The following ZNF555 variants were observed in gnomAD, a reference collection of about 807,000 sequenced individuals.
ZNF555 encodes zinc finger protein 555.
In ZNF555, 10 loss-of-function variants were observed where a neutral mutation model predicts 14.0. The ratio of observed to expected loss-of-function variants is 0.72; its 90% CI spans 0.44 to 1.21. The LOEUF (loss-of-function observed/expected upper bound fraction) is 1.21. ZNF555 is among the 50% of genes most tolerant of loss of function. ZNF555 has a pLI of 0.00. For missense variants in ZNF555, 747 were observed against 762.0 expected (o/e 0.98, Z 0.23); for synonymous variants, 277 against 262.4 (o/e 1.06, Z -0.54).
chr19:2,853,315 T>G lies in ZNF555; in HGVS notation c.1250T>G (p.Val417Gly). The change falls in exon 4 of 4, where the codon GTG becomes GGG. Residue 417 changes from valine (V) to glycine (G), a missense_variant. Transcript: ENST00000334241. ...TCCTCCTTTCGAGGACACATGAGGG[T>G]GCACACTGGAGAGAAACCCTATGAG... ...HPSSFRGHMRVHTGEKPYECK... is the reference protein window; with the variant it reads ...HPSSFRGHMRGHTGEKPYECK... 6.2e-7 allele frequency: 1 copy of G among 1,612,042 alleles called. No homozygotes were observed. Among genetic ancestry groups the G allele is most frequent in the Non-Finnish European group, 8.5e-7 (1 of 1,179,376 alleles).
chr19:2,844,782 G>C (rs914183386), intron 1 of ZNF555, among the ~76,000 whole-genome samples: 2 of 152,172 alleles, frequency 1.3e-5, no homozygotes, highest in Admixed American at 1.3e-4. Context: ...TCAGGCCTTT[G>C]GGTTGGCTCT....
At chr19:2,851,364 T>G in intron 2 of ZNF555, 104 bp from the exon 3 acceptor site, 4 of 887,838 alleles carry the variant, frequency 4.5e-6, no homozygotes, top group Non-Finnish European at 6.7e-6. Flanking sequence ...CTTACCTTTT[T>G]GACCATTTTG....
intron 3 of ZNF555, among the ~76,000 whole-genome samples, chr19:2,851,873 A>G (rs374480099): frequency 4.6e-5 from 7 of 152,362 alleles, no homozygotes; most frequent in African/African-American, 1.7e-4. Flanking sequence ...ACCCTAGGCC[A>G]GGTACGGTGG....
chr19:2,844,836 C>T (rs938101926), intron 1 of ZNF555, among the ~76,000 whole-genome samples: 7 of 152,164 alleles, frequency 4.6e-5, no homozygotes, highest in African/African-American at 1.7e-4. Context: ...GTCTCTACCA[C>T]AGAATTATTA....
chr19:2,843,333 T>G (rs2087554579), intron 1 of ZNF555, among the ~76,000 whole-genome samples: 1 of 152,186 alleles, frequency 6.6e-6, no homozygotes, highest in Non-Finnish European at 1.5e-5. Context: ...TAAGCTTTTG[T>G]ATTTTTTTGT....
rs746011221 is a variant in ZNF555 at position 2,841,592 on chromosome 19, A to T, written c.3+17A>T. On this transcript the variant is annotated intron_variant, in intron 1 of 3. Coordinates refer to ENST00000334241, the MANE Select transcript of ZNF555 (RefSeq NM_152791.5). ...CGGGACATGGTGAGTGTGGCGCAGG[A>T]GAGGATCCCGGTGCGGGGCAGCAGG... 6.6e-7 allele frequency: 1 copy of T among 1,524,962 alleles called. No individual in the cohort carries two copies. The highest frequency in any genetic ancestry group is 2.7e-5 in the East Asian group (1 of 37,160). 94.5% of individuals were successfully genotyped at this position (1,524,962 alleles called of 1,614,324 possible).
intron 1 of ZNF555, among the ~76,000 whole-genome samples, chr19:2,841,991 C>T (rs867120686): frequency 3.2e-4 from 49 of 152,120 alleles, no homozygotes; most frequent in Non-Finnish European, 5.9e-4. Flanking sequence ...TCCAGGCTCC[C>T]CCGGGACCCG....
chr19:2,852,183 A>G (rs1349462752), intron 3 of ZNF555, among the ~76,000 whole-genome samples, 197 bp from the exon 4 acceptor site: 1 of 151,946 alleles, frequency 6.6e-6, no homozygotes, highest in Non-Finnish European at 1.5e-5. Context: ...AAGAAACCCT[A>G]TACATAAGAA....
Position 2,853,008 on chromosome 19 carries a change from A to G in ZNF555, c.943A>G (p.Lys315Glu), listed in dbSNP as rs774169934. 6 of 1,614,222 alleles carry G rather than the reference A, an allele frequency of 3.7e-6. No homozygotes were observed. The South Asian group carries it at 5.5e-5, about 15-fold the overall frequency. The change falls in exon 4 of 4, where the codon AAA (lysine) becomes GAA (glutamate). Residue 315 changes from lysine to glutamate, a missense_variant. Coordinates refer to ENST00000334241, the MANE Select transcript of ZNF555 (RefSeq NM_152791.5). ...CACTGGAGAGAAGCCACATAAATGT[A>G]AAGAATGTGGGGAGGCCTTCAGTTA... Reference protein sequence around the residue: ...SHTGEKPHKCKECGEAFSYSS... With the variant: ...SHTGEKPHKCEECGEAFSYSS...
At chr19:2,841,616 G>A in intron 1 of ZNF555, 41 bp downstream of exon 1, 2 of 1,467,978 alleles carry the variant, frequency 1.4e-6, no homozygotes, top group Non-Finnish European at 1.8e-6. Flanking sequence ...CGGGGCAGCA[G>A]GAACCGGCGA....
Position 2,853,564 on chromosome 19 carries a change from G to A in ZNF555, c.1499G>A (p.Arg500Lys), listed in dbSNP as rs750804084. Residue 500 changes from arginine (R) to lysine (K), a missense_variant, in exon 4 of 4, where the codon AGA (arginine) becomes AAA (lysine). Transcript: ENST00000334241. Reference sequence around the variant, plus strand: ...CACATATCCTTACAAAAACATATGAGAAGACATACCGCAGAGAAACTCTAT... The same window carrying A: ...CACATATCCTTACAAAAACATATGAAAAGACATACCGCAGAGAAACTCTAT... The part of the protein sequence containing the change: ...YCHISLQKHM[R>K]RHTAEKLYKC... 2.9e-5 allele frequency: 47 copies of A among 1,610,642 alleles called. No individual in the cohort carries two copies. Among genetic ancestry groups the A allele is most frequent in the Non-Finnish European group, 3.9e-5 (46 of 1,177,684 alleles).
rs367574751 is a variant in ZNF555, at chr19:2,851,659, G to A, written c.314+8G>A. On this transcript the variant is annotated splice_region_variant and intron_variant, in intron 3 of 3. Transcript: ENST00000334241. ...CCAGGGGAGAAATCTCAGGTGAGTT[G>A]CACTCACAAGAGAACATAGTATTTC... 6.4e-6 allele frequency: 10 copies of A among 1,550,960 alleles called. No individual in the cohort carries two copies. In the African/African-American group the frequency reaches 1.4e-4, roughly 22 times the overall value.
At chr19:2,842,272 C>T (rs2087544007) in intron 1 of ZNF555, among the ~76,000 whole-genome samples, 1 of 152,202 alleles carries the variant, frequency 6.6e-6, no homozygotes, top group East Asian at 1.9e-4. Context: ...TCCCCTCTGA[C>T]CCCAAGATGC....
At position 2,856,024 on chromosome 19, in the gene ZNF555, A is replaced by G. The variant is rs1263993387; in HGVS notation, c.*2072A>G. ...AATTTTAGGAGACCCAATTCAACCC[A>G]TAACACTAAGAAATGTTATTTTTTG... On this transcript the variant is annotated 3_prime_UTR_variant, in exon 4 of 4. Transcript: ENST00000334241. The G allele has an allele frequency of 6.6e-6, 1 of 152,184 alleles. No homozygotes were observed. Among genetic ancestry groups the G allele is most frequent in the African/African-American group, 2.4e-5 (1 of 41,446 alleles). 9.4% of individuals were successfully genotyped at this position (152,184 alleles called of 1,614,324 possible).
chr19:2,843,496 A>G (rs2087556079), intron 1 of ZNF555, among the ~76,000 whole-genome samples: 1 of 152,202 alleles, frequency 6.6e-6, no homozygotes, highest in South Asian at 2.1e-4. Context: ...TGGGGAGAAG[A>G]GTCTCAGAGA....
In ZNF555 at chr19:2,853,499, A is replaced by G. The variant is rs1056106667; in HGVS notation, c.1434A>G (p.Lys478=). Residue 478 remains lysine, a synonymous_variant, in exon 4 of 4, where the codon AAA becomes AAG. Transcript: ENST00000334241. ...REHVRMHPED[K]SYECKLCGKA... ...ATGTGAGAATGCACCCTGAAGACAAATCCTATGAATGCAAGCTATGTGGGA... is the reference window on the plus strand; with the variant it reads ...ATGTGAGAATGCACCCTGAAGACAAGTCCTATGAATGCAAGCTATGTGGGA... 1 of 1,614,090 alleles carries G rather than the reference A, an allele frequency of 6.2e-7. No homozygotes were observed. Among genetic ancestry groups the G allele is most frequent in the Non-Finnish European group, 8.5e-7 (1 of 1,180,030 alleles).
At chr19:2,847,653 TA>T (rs537781235) in intron 1 of ZNF555, among the ~76,000 whole-genome samples, 3 of 151,838 alleles carry the variant, frequency 2.0e-5, no homozygotes, top group Admixed American at 6.6e-5. Flanking sequence ...GAAAAAAATT[TA>T]AAAAAAATAA....
chr19:2,856,159 A>G lies in ZNF555; in HGVS notation c.*2207A>G, dbSNP rs922303824. On this transcript the variant is annotated 3_prime_UTR_variant, in exon 4 of 4. Transcript: ENST00000334241. ...TATATACAAATACAGGTATTTTTTCATATAAATGTTATTTTTAATTGCTGT... is the reference window on the plus strand; with the variant it reads ...TATATACAAATACAGGTATTTTTTCGTATAAATGTTATTTTTAATTGCTGT... 1.3e-5 allele frequency: 2 copies of G among 152,100 alleles called. No homozygotes were observed. The highest frequency in any genetic ancestry group is 2.9e-5 in the Non-Finnish European group (2 of 68,008). 9.4% of individuals were successfully genotyped at this position (152,100 alleles called of 1,614,324 possible). A position where few individuals can be genotyped will look rare whatever the true frequency, so the allele number is the denominator to read the frequency against.
Position 2,853,893 on chromosome 19 carries a change from GAA to G in ZNF555, c.1831_1832del (p.Lys611ValfsTer23). The G allele has an allele frequency of 6.2e-7, 1 of 1,614,000 alleles. No homozygotes were observed. The highest frequency in any genetic ancestry group is 8.5e-7 in the Non-Finnish European group (1 of 1,180,024). On this transcript the variant is annotated frameshift_variant, in exon 4 of 4. Transcript: ENST00000334241. LOFTEE classifies it low-confidence loss of function (END_TRUNC). ...PANEFMCSASEKSHQERDLIK... is the reference protein window; with the variant it reads ...PANEFMCSASXKSHQERDLIK... ...AAATGAATTCATGTGCAGTGCTTCA[GAA>G]AAGTCACACCAGGAGAGAGATCTGA...
Sources: allele counts gnomAD v4.1 joint callset (sites outside exome capture counted in the v4.1 genomes callset), GRCh38; gene constraint gnomAD v4.1.1; transcripts MANE v1.5; gene names NCBI Gene and HGNC (gene_info 2026-07-23, HGNC 2026-07-21).